GFOD2: variants seen among roughly 807,000 people sequenced by gnomAD.
GFOD2 encodes glucose-fructose oxidoreductase domain-containing protein 2.
GFOD2 carries 9 observed loss-of-function variants against 24.6 expected under a neutral mutation model. The observed-to-expected ratio is 0.37, with a 90% CI of 0.22 to 0.64. The LOEUF (loss-of-function observed/expected upper bound fraction) is 0.64, where lower values mean the gene tolerates loss of function less well. Among genes scored for constraint, GFOD2 ranks in the 30% least tolerant of loss-of-function variants. GFOD2 has a pLI of 0.65. For synonymous variants in GFOD2, 211 were observed against 224.8 expected, an observed-to-expected ratio of 0.94 and a Z score of 0.55; for missense variants, 476 against 532.5, an observed-to-expected ratio of 0.89 and a Z score of 1.04.
chr16:67,679,978 A>G (rs543155495), intron 2 of GFOD2, among the ~76,000 whole-genome samples: 1 of 151,712 alleles, frequency 6.6e-6, no homozygotes, highest in Non-Finnish European at 1.5e-5. Context: ...GGTTCACTGC[A>G]GTCTTGGTCT....
At chr16:67,717,245 C>T (rs2053513688) in intron 1 of GFOD2, among the ~76,000 whole-genome samples, 1 of 152,122 alleles carries the variant, frequency 6.6e-6, no homozygotes, top group Non-Finnish European at 1.5e-5. Flanking sequence ...TATTATACTT[C>T]CAATGTATCT....
chr16:67,692,096 T>C (rs948477804), intron 1 of GFOD2, among the ~76,000 whole-genome samples: 2 of 151,996 alleles, frequency 1.3e-5, no homozygotes, highest in Non-Finnish European at 2.9e-5. Flanking sequence ...TACCACATCA[T>C]GTCTGAGGTG....
chr16:67,685,837 A>G, intron 1 of GFOD2, 35 bp from the exon 2 acceptor site: 1 of 1,213,544 alleles, frequency 8.2e-7, no homozygotes, highest in Non-Finnish European at 1.1e-6. Flanking sequence ...TTATTACTGG[A>G]GAGGACACTC....
At chr16:67,693,063 T>C (rs1012620820) in intron 1 of GFOD2, among the ~76,000 whole-genome samples, 2 of 151,068 alleles carry the variant, frequency 1.3e-5, no homozygotes, top group African/African-American at 4.9e-5. Flanking sequence ...GAAAATGTGG[T>C]TCTAAAAGGA....
chr16:67,692,497 T>C (rs1417180836), intron 1 of GFOD2, among the ~76,000 whole-genome samples: 2 of 151,002 alleles, frequency 1.3e-5, no homozygotes, highest in Non-Finnish European at 3.0e-5. Context: ...GGAGAATCGT[T>C]TGAACCCAGG....
At chr16:67,692,320 G>A (rs150550592) in intron 1 of GFOD2, among the ~76,000 whole-genome samples, 1,753 of 151,860 alleles carry the variant, frequency 0.012, 27 homozygotes, top group African/African-American at 0.035. Context: ...GGTGGCTCAC[G>A]CCTGTAATTC....
At chr16:67,690,204 C>T (rs540383398) in intron 1 of GFOD2, among the ~76,000 whole-genome samples, 8 of 152,032 alleles carry the variant, frequency 5.3e-5, no homozygotes, top group Non-Finnish European at 1.0e-4. Flanking sequence ...GTGGAATTGC[C>T]GGGTCATGGT....
intron 2 of GFOD2, chr16:67,682,605 G>A (rs2053235579): frequency 1.0e-6 from 1 of 985,174 alleles, no homozygotes; most frequent in Non-Finnish European, 1.2e-6. Flanking sequence ...GACCAAAGCA[G>A]AAAACAAGAT....
At chr16:67,714,418 C>T (rs1414411830) in intron 1 of GFOD2, among the ~76,000 whole-genome samples, 1 of 144,112 alleles carries the variant, frequency 6.9e-6, no homozygotes, top group Non-Finnish European at 1.5e-5. Flanking sequence ...GTGGACATTG[C>T]AGTGAGCCGG....
intron 2 of GFOD2, among the ~76,000 whole-genome samples, chr16:67,678,786 C>G (rs982468137): frequency 2.4e-4 from 36 of 152,192 alleles, no homozygotes; most frequent in African/African-American, 8.2e-4. Flanking sequence ...CAGTACAGCT[C>G]TGTCAACAGT....
chr16:67,677,720 G>C (rs2142992268), intron 2 of GFOD2: 1 of 152,376 alleles, frequency 6.6e-6, no homozygotes, highest in East Asian at 1.9e-4. Context: ...ATGCAATGTG[G>C]AAAACTGGAT....
At chr16:67,715,901 A>G (rs1271343089) in intron 1 of GFOD2, among the ~76,000 whole-genome samples, 2 of 151,952 alleles carry the variant, frequency 1.3e-5, no homozygotes, top group African/African-American at 4.8e-5. Context: ...CCAGCTACTC[A>G]GGAGGCTGAG....
intron 2 of GFOD2, chr16:67,683,709 C>A: frequency 8.1e-7 from 1 of 1,230,182 alleles, no homozygotes; most frequent in Non-Finnish European, 1.0e-6. Flanking sequence ...AGGTGACAGA[C>A]ACCTTCCTAT....
intron 1 of GFOD2, among the ~76,000 whole-genome samples, chr16:67,701,653 CTG>C (rs2053403359): frequency 6.6e-6 from 1 of 152,072 alleles, no homozygotes; most frequent in African/African-American, 2.4e-5. Context: ...GGTGATGAAA[CTG>C]TTCTGTATCT....
chr16:67,700,374 C>CA (rs879329140), intron 1 of GFOD2, among the ~76,000 whole-genome samples: 81 of 130,356 alleles, frequency 6.2e-4, no homozygotes, highest in Middle Eastern at 4.1e-3. Flanking sequence ...GACTCCGTCT[C>CA]AAAAAAAAAA....
intron 2 of GFOD2, chr16:67,683,368 G>A (rs868205432): frequency 4.9e-6 from 6 of 1,227,172 alleles, no homozygotes; most frequent in Middle Eastern, 3.1e-4. Context: ...TCTGGCTCCG[G>A]ACACACCTCA....
At chr16:67,699,142 A>T (rs1198531839) in intron 1 of GFOD2, among the ~76,000 whole-genome samples, 1 of 151,994 alleles carries the variant, frequency 6.6e-6, no homozygotes, top group Non-Finnish European at 1.5e-5. Flanking sequence ...GGAGATTGAG[A>T]CCATCCTGGC....
chr16:67,718,266 C>T (rs1390009730), intron 1 of GFOD2, among the ~76,000 whole-genome samples: 1 of 152,198 alleles, frequency 6.6e-6, no homozygotes, highest in African/African-American at 2.4e-5. Flanking sequence ...AGGTGGTGCC[C>T]TGCCCTAGTT....
At position 67,706,121 on chromosome 16, in the gene GFOD2, C is replaced by A. The variant is rs186492950; in HGVS notation, c.-88+13042G>T. ...CCTCCTGAGTAGCTGGGATTACAGA[C>A]GCGTGCCACCACGCCCAGCTAATTT... On this transcript the variant is annotated intron_variant, in intron 1 of 2. Transcript: ENST00000268797. 2.8e-3 allele frequency among the ~76,000 whole-genome samples: 423 copies of A among 151,566 alleles called. 1 individual carries two copies. Among genetic ancestry groups the A allele is most frequent in the African/African-American group, 9.7e-3 (401 of 41,350 alleles).
Sources: allele counts gnomAD v4.1 joint callset (sites outside exome capture counted in the v4.1 genomes callset), GRCh38; gene constraint gnomAD v4.1.1; transcripts MANE v1.5; gene names NCBI Gene and HGNC (gene_info 2026-07-23, HGNC 2026-07-21).